Variants in KIAA0513 observed in about 807,000 individuals in gnomAD.
KIAA0513 encodes KIAA0513.
Under a neutral mutation model 56.5 loss-of-function variants are expected in KIAA0513, and 39 were observed. The ratio of observed to expected loss-of-function variants is 0.69; its 90% CI spans 0.53 to 0.90. KIAA0513 has a LOEUF of 0.90. Among genes scored for constraint, KIAA0513 ranks in the 40% least tolerant of loss-of-function variants. KIAA0513 has a pLI of 0.00. For synonymous variants in KIAA0513, 268 were observed against 215.6 expected (o/e 1.24, Z -2.13); for missense variants, 591 against 535.2 (o/e 1.10, Z -1.03).
At chr16:85,080,606 C>A (rs1317777329) in intron 8 of KIAA0513, among the ~76,000 whole-genome samples, 1 of 152,128 alleles carries the variant, frequency 6.6e-6, no homozygotes, top group Non-Finnish European at 1.5e-5. Flanking sequence ...CCAGCCTGGT[C>A]AACATGGCGA....
At chr16:85,056,164 C>T (rs2073326180) in intron 1 of KIAA0513, among the ~76,000 whole-genome samples, 1 of 152,222 alleles carries the variant, frequency 6.6e-6, no homozygotes, top group African/African-American at 2.4e-5. Flanking sequence ...GGGTTGGTTG[C>T]GATGGACGGC....
intron 1 of KIAA0513, among the ~76,000 whole-genome samples, chr16:85,032,361 A>G (rs1466770489): frequency 6.6e-6 from 1 of 152,218 alleles, no homozygotes; most frequent in Non-Finnish European, 1.5e-5. Context: ...TTCTTGAGAC[A>G]GAGTCTCTGT....
chr16:85,075,378 A>G (rs556930136), intron 4 of KIAA0513, among the ~76,000 whole-genome samples: 2 of 152,316 alleles, frequency 1.3e-5, no homozygotes, highest in South Asian at 2.1e-4. Context: ...GACCTGTTGA[A>G]TCAGAGGCTC....
chr16:85,080,041 C>T (rs753335647), intron 8 of KIAA0513, among the ~76,000 whole-genome samples: 6 of 152,176 alleles, frequency 3.9e-5, no homozygotes, highest in Non-Finnish European at 7.3e-5. Context: ...GTGCATTTTG[C>T]CCGTTAACCA....
At chr16:85,064,999 C>T (rs2073458239) in intron 1 of KIAA0513, among the ~76,000 whole-genome samples, 1 of 152,198 alleles carries the variant, frequency 6.6e-6, no homozygotes, top group African/African-American at 2.4e-5. Flanking sequence ...ATTGTATTTC[C>T]TCTTGCGTGC....
chr16:85,074,462 C>A (rs191919201), intron 4 of KIAA0513, among the ~76,000 whole-genome samples: 4 of 152,112 alleles, frequency 2.6e-5, no homozygotes, highest in Non-Finnish European at 4.4e-5. Flanking sequence ...GGATTACAGG[C>A]GTGAAACACC....
chr16:85,087,226 T>G, intron 12 of KIAA0513, 60 bp downstream of exon 12: 1 of 1,366,496 alleles, frequency 7.3e-7, no homozygotes, highest in East Asian at 2.3e-5. Context: ...GAGCCAGTGC[T>G]GTGCCCGCTG....
intron 9 of KIAA0513, among the ~76,000 whole-genome samples, chr16:85,082,080 A>C (rs987042958): frequency 1.3e-5 from 2 of 152,172 alleles, no homozygotes; most frequent in South Asian, 4.1e-4. Context: ...TCCCCCTGTA[A>C]CACTGGGGAG....
rs1340534012 is a variant in KIAA0513, at chr16:85,078,434, C to A, written c.802C>A (p.Gln268Lys). 6.2e-7 allele frequency: 1 copy of A among 1,613,950 alleles called. No individual in the cohort carries two copies. The highest frequency in any genetic ancestry group is 1.7e-5 in the Admixed American group (1 of 60,026). ...RRNEEDENKP[Q>K]EKRPRAVTAY... Reference sequence around the variant, plus strand: ...CCTCAGGGAAGACGAGAACAAACCCCAGGAGAAGCGGCCCAGGGCTGGTGA... The same window carrying A: ...CCTCAGGGAAGACGAGAACAAACCCAAGGAGAAGCGGCCCAGGGCTGGTGA... Residue 268 changes from glutamine to lysine, a missense_variant, in exon 7 of 13, where the codon CAG becomes AAG. By Grantham distance (53) the Gln-to-Lys change is moderately conservative. Coordinates refer to ENST00000683363, the MANE Select transcript of KIAA0513 (RefSeq NM_001388359.1).
chr16:85,032,144 T>G (rs12448463), intron 1 of KIAA0513, among the ~76,000 whole-genome samples: 2 of 152,202 alleles, frequency 1.3e-5, no homozygotes, highest in Non-Finnish European at 2.9e-5. Flanking sequence ...ACTCCCAGCT[T>G]CTACTGGTGG....
intron 1 of KIAA0513, chr16:85,063,657 T>C (rs923702442): frequency 6.6e-6 from 1 of 152,180 alleles, no homozygotes; most frequent in Non-Finnish European, 1.5e-5. Flanking sequence ...TTGTTTCCTT[T>C]TTCCCTCTGA....
At chr16:85,058,714 T>G (rs1471211512) in intron 1 of KIAA0513, among the ~76,000 whole-genome samples, 4 of 151,798 alleles carry the variant, frequency 2.6e-5, no homozygotes, top group Non-Finnish European at 4.4e-5. Flanking sequence ...AAAGAAATGC[T>G]GATTTCAACA....
At chr16:85,078,302 G>C in intron 6 of KIAA0513, 113 bp from the exon 7 acceptor site, 1 of 1,106,866 alleles carries the variant, frequency 9.0e-7, no homozygotes, top group Admixed American at 2.1e-5. Flanking sequence ...GCTTTTCAGA[G>C]CAAGCCGTAT....
chr16:85,045,634 C>T (rs551330826), intron 1 of KIAA0513, among the ~76,000 whole-genome samples: 1 of 152,288 alleles, frequency 6.6e-6, no homozygotes, highest in East Asian at 1.9e-4. Context: ...GGATTACAGG[C>T]GTGAGCCACC....
intron 8 of KIAA0513, chr16:85,079,355 A>C (rs1283940316): frequency 1.6e-5 from 4 of 256,906 alleles, no homozygotes; most frequent in Non-Finnish European, 3.0e-5. Flanking sequence ...TGTCTGTAGC[A>C]ACGTCGTTTA....
intron 3 of KIAA0513, 39 bp downstream of exon 3, chr16:85,071,921 C>A: frequency 7.6e-7 from 1 of 1,319,602 alleles, no homozygotes; most frequent in Non-Finnish European, 1.1e-6. Flanking sequence ...CGTTTACTCT[C>A]AAGGAAGAAT....
intron 5 of KIAA0513, 42 bp from the exon 6 acceptor site, chr16:85,077,383 C>A (rs762031049): frequency 1.3e-6 from 2 of 1,594,458 alleles, no homozygotes; most frequent in Admixed American, 3.4e-5. Context: ...AGGCGCATAC[C>A]CCAGCCTCAC....
chr16:85,056,962 C>T (rs564983006), intron 1 of KIAA0513, among the ~76,000 whole-genome samples: 1 of 152,304 alleles, frequency 6.6e-6, no homozygotes, highest in South Asian at 2.1e-4. Flanking sequence ...GCCTCAGCCT[C>T]CCAAAGGGCT....
intron 10 of KIAA0513, among the ~76,000 whole-genome samples, chr16:85,084,939 T>C (rs2073791644): frequency 6.6e-6 from 1 of 152,230 alleles, no homozygotes; most frequent in Admixed American, 6.5e-5. Context: ...TACCTCTTTC[T>C]TGAGACATCA....
Sources: gnomAD v4.1 joint callset for allele counts (sites outside exome capture counted in the v4.1 genomes callset) on GRCh38, gnomAD v4.1.1 for gene constraint, MANE v1.5 for transcripts, NCBI Gene and HGNC (gene_info 2026-07-23, HGNC 2026-07-21) for gene names.